The following ZNF91 variants were observed in gnomAD, a reference collection of about 807,000 sequenced individuals.
ZNF91 encodes zinc finger protein 91 (HPF7, HTF10).
ZNF91 carries 7 observed loss-of-function variants against 12.6 expected under a neutral mutation model. The ratio of observed to expected loss-of-function variants is 0.55; its 90% CI spans 0.31 to 1.04. The LOEUF (loss-of-function observed/expected upper bound fraction) is 1.04. Among genes scored for constraint, ZNF91 ranks in the 50% least tolerant of loss-of-function variants. ZNF91 has a pLI of 0.05. For missense variants in ZNF91, 1,217 were observed against 1,385.4 expected, an observed-to-expected ratio of 0.88 and a Z score of 1.93; for synonymous variants, 453 against 462.6, an observed-to-expected ratio of 0.98 and a Z score of 0.27.
intron 3 of ZNF91, among the ~76,000 whole-genome samples, chr19:23,341,167 C>T (rs1037165817): frequency 2.6e-5 from 4 of 151,222 alleles, no homozygotes; most frequent in African/African-American, 9.7e-5. Context: ...TCTTCTGTGT[C>T]AGCCTCCTGA....
chr19:23,361,735 A>C lies in ZNF91; in HGVS notation c.1244T>G (p.Phe415Cys). The change falls in exon 4 of 4, where the codon TTT becomes TGT. Residue 415 changes from phenylalanine to cysteine, a missense_variant. Phe to Cys is a radical substitution (Grantham distance 205). Around this residue, in one of 2 missense-constraint regions of ZNF91, gnomAD observed 726 missense variants for 895.5 expected, o/e 0.81. Coordinates refer to ENST00000300619, the MANE Select transcript of ZNF91 (RefSeq NM_003430.4). The stretch of plus-strand genomic sequence containing the variant: ...TATAGTAAGATTTGAAGATCGATTA[A>C]AAGCTTTGCCACATTCTTCACATTT... ...LYKCEECGKA[F>C]NRSSNLTIHK... 1.2e-6 allele frequency: 2 copies of C among 1,610,618 alleles called. No individual in the cohort carries two copies. The highest frequency in any genetic ancestry group is 4.5e-5 in the East Asian group (2 of 44,836).
chr19:23,371,992 T>C (rs1007867906), intron 3 of ZNF91, among the ~76,000 whole-genome samples: 2 of 151,694 alleles, frequency 1.3e-5, no homozygotes, highest in African/African-American at 4.9e-5. Context: ...TAGAGCTTCA[T>C]GTATAAAACA....
intron 3 of ZNF91, among the ~76,000 whole-genome samples, chr19:23,369,167 A>G (rs1469728924): frequency 1.3e-5 from 2 of 152,018 alleles, no homozygotes; most frequent in East Asian, 3.9e-4. Flanking sequence ...AAAATTACCC[A>G]GGTGTGGTGA....
intron 3 of ZNF91, among the ~76,000 whole-genome samples, chr19:23,347,041 C>T (rs959485981): frequency 1.3e-5 from 2 of 152,060 alleles, no homozygotes; most frequent in African/African-American, 4.8e-5. Flanking sequence ...CCAGATGCCT[C>T]TTTACTTGGT....
chr19:23,321,436 G>T (rs1033969590), intron 1 of ZNF91, among the ~76,000 whole-genome samples: 3 of 152,024 alleles, frequency 2.0e-5, no homozygotes, highest in African/African-American at 7.2e-5. Context: ...GCCTAAAAAG[G>T]GGATTGTGAT....
intron 3 of ZNF91, among the ~76,000 whole-genome samples, chr19:23,345,817 A>G (rs1236757442): frequency 6.6e-6 from 1 of 151,974 alleles, no homozygotes; most frequent in Non-Finnish European, 1.5e-5. Flanking sequence ...TCCCCTCCTC[A>G]GGACAATTCT....
intron 1 of ZNF91, among the ~76,000 whole-genome samples, chr19:23,390,665 A>G (rs974524514): frequency 4.6e-5 from 7 of 151,836 alleles, no homozygotes; most frequent in Admixed American, 3.9e-4. Context: ...GCCAAGCAAT[A>G]CTCTTGTTCC....
rs1968780091 is a variant in ZNF91 at position 23,361,701 on chromosome 19, A to T, written c.1278T>A (p.Phe426Leu). ...NRSSNLTIHK[F>L]IHTGEKPYKC... ...TGTAAGGTTTCTCTCCAGTATGAATAAACTTATGTATAGTAAGATTTGAAG... is the reference window on the plus strand; with the variant it reads ...TGTAAGGTTTCTCTCCAGTATGAATTAACTTATGTATAGTAAGATTTGAAG... Residue 426 changes from phenylalanine (F) to leucine (L), a missense_variant, in exon 4 of 4, where the codon TTT becomes TTA. By Grantham distance (22) the Phe-to-Leu change is conservative (BLOSUM62 0). This residue lies in a region of ZNF91 where 726 missense variants were observed against 895.5 expected (regional missense o/e 0.81). Transcript: ENST00000300619. 1.9e-6 allele frequency: 3 copies of T among 1,605,414 alleles called. No individual in the cohort carries two copies. The highest frequency in any genetic ancestry group is 1.1e-5 in the South Asian group (1 of 90,622).
intron 1 of ZNF91, among the ~76,000 whole-genome samples, chr19:23,315,770 T>C (rs184328630): frequency 6.6e-6 from 1 of 152,332 alleles, no homozygotes; most frequent in African/African-American, 2.4e-5. Flanking sequence ...CATTGCTACA[T>C]ATTTCTTGTC....
chr19:23,385,310 T>G (rs1411556809), intron 1 of ZNF91: 6 of 464,672 alleles, frequency 1.3e-5, no homozygotes, highest in Non-Finnish European at 2.3e-5. Flanking sequence ...GCGAACTTAT[T>G]TCCTTTGGGG....
intron 1 of ZNF91, among the ~76,000 whole-genome samples, chr19:23,382,098 G>T (rs1969739092): frequency 6.8e-6 from 1 of 147,524 alleles, no homozygotes. Context: ...GCTGTTATTT[G>T]ATTTATATAT....
intron 3 of ZNF91, among the ~76,000 whole-genome samples, chr19:23,363,960 A>G (rs1968905631): frequency 6.6e-6 from 1 of 152,220 alleles, no homozygotes; most frequent in African/African-American, 2.4e-5. Flanking sequence ...ACAAACACAT[A>G]TATAAGCACA....
chr19:23,341,150 A>G (rs2145882264), intron 3 of ZNF91, among the ~76,000 whole-genome samples: 1 of 151,546 alleles, frequency 6.6e-6, no homozygotes, highest in Non-Finnish European at 1.5e-5. Context: ...TCCCAGGTTC[A>G]AGCAATTCTT....
chr19:23,369,609 T>C (rs1433742015), intron 3 of ZNF91, among the ~76,000 whole-genome samples: 1 of 152,196 alleles, frequency 6.6e-6, no homozygotes, highest in Non-Finnish European at 1.5e-5. Flanking sequence ...ATTGTTGCTG[T>C]GTCTGTGTAG....
At chr19:23,395,301 G>C (rs1021431392) in intron 1 of ZNF91, 24 bp downstream of exon 1, 1 of 1,612,476 alleles carries the variant, frequency 6.2e-7, no homozygotes, top group Non-Finnish European at 8.5e-7. Context: ...CCCTCTCTCG[G>C]GACGTCGCAC....
chr19:23,313,096 C>CTTAG (rs2145845533), upstream of ZNF91, among the ~76,000 whole-genome samples: 1 of 152,324 alleles, frequency 6.6e-6, no homozygotes, highest in East Asian at 1.9e-4. Flanking sequence ...AACTCATGTA[C>CTTAG]TTAGACCCAA....
chr19:23,310,995 C>T (rs1319998221), upstream of ZNF91, among the ~76,000 whole-genome samples: 1 of 152,170 alleles, frequency 6.6e-6, no homozygotes, highest in Non-Finnish European at 1.5e-5. Context: ...AAATGTGACT[C>T]TTCACCTCTG....
At chr19:23,332,783 G>T (rs993808511) in intron 1 of ZNF91, among the ~76,000 whole-genome samples, 5 of 152,142 alleles carry the variant, frequency 3.3e-5, no homozygotes, top group African/African-American at 1.2e-4. Flanking sequence ...GTGGACTGAG[G>T]GGCTTGCATA....
intron 1 of ZNF91, among the ~76,000 whole-genome samples, chr19:23,332,309 T>C (rs1326478633): frequency 6.6e-6 from 1 of 152,144 alleles, no homozygotes; most frequent in Non-Finnish European, 1.5e-5. Flanking sequence ...AGTCATAAGA[T>C]CTAACAATTA....
Sources: allele counts gnomAD v4.1 joint callset (sites outside exome capture counted in the v4.1 genomes callset), GRCh38; gene constraint gnomAD v4.1.1; regional missense constraint gnomAD v4.1.1; transcripts MANE v1.5; gene names NCBI Gene and HGNC (gene_info 2026-07-23, HGNC 2026-07-21).